SMAD4: variants seen among roughly 807,000 people sequenced by gnomAD.
SMAD4 encodes SMAD family member 4.
Under a neutral mutation model 63.2 loss-of-function variants are expected in SMAD4, and 7 were observed. That is an observed-to-expected ratio of 0.11 (90% CI 0.06 to 0.21). SMAD4 has a LOEUF of 0.21. Among genes scored for constraint, SMAD4 ranks in the 10% least tolerant of loss-of-function variants. SMAD4 has a pLI of 1.00. For synonymous variants in SMAD4, 215 were observed against 235.4 expected (o/e 0.91, Z 0.79); for missense variants, 312 against 693.8 (o/e 0.45, Z 6.18).
intron 11 of SMAD4, chr18:51,077,048 T>A: frequency 4.2e-6 from 1 of 240,694 alleles, no homozygotes. Flanking sequence ...CCTCCTTTTT[T>A]GTTGATGCTT....
intron 4 of SMAD4, chr18:51,053,039 T>TA (rs1369165021): frequency 6.6e-6 from 1 of 152,244 alleles, no homozygotes; most frequent in South Asian, 2.1e-4. Context: ...GTTTCAAACT[T>TA]ACATTTGGGA....
intron 10 of SMAD4, among the ~76,000 whole-genome samples, chr18:51,072,584 T>G (rs1910345901): frequency 6.6e-6 from 1 of 152,178 alleles, no homozygotes; most frequent in African/African-American, 2.4e-5. Flanking sequence ...AATTTAAGAT[T>G]ATATAGTATT....
At chr18:51,072,239 A>G (rs1188229722) in intron 10 of SMAD4, among the ~76,000 whole-genome samples, 3 of 152,168 alleles carry the variant, frequency 2.0e-5, no homozygotes, top group East Asian at 1.9e-4. Flanking sequence ...CAATTTCTCT[A>G]CATTCTCATC....
In SMAD4 at chr18:51,080,319, C is replaced by T. The variant is rs182092812; in HGVS notation, c.*1852C>T. ...ACTTATCTACCACCTCATTTGTACT[C>T]TTGATTACTTACAAATTCTTTCAGT... On this transcript the variant is annotated 3_prime_UTR_variant, in exon 12 of 12. Coordinates refer to ENST00000342988, the MANE Select transcript of SMAD4 (RefSeq NM_005359.6). 1.7e-5 allele frequency: 4 copies of T among 231,904 alleles called. No homozygotes were observed. The East Asian group carries it at 2.4e-4, about 14-fold the overall frequency. 14.4% of individuals were successfully genotyped at this position (231,904 alleles called of 1,614,324 possible). A position where few individuals can be genotyped will look rare whatever the true frequency, so the allele number is the denominator to read the frequency against.
intron 1 of SMAD4, among the ~76,000 whole-genome samples, chr18:51,031,708 C>G (rs1269608266): frequency 6.6e-6 from 1 of 151,488 alleles, no homozygotes; most frequent in East Asian, 1.9e-4. Context: ...TAGGTTCACT[C>G]CTTTTTGCTG....
intron 8 of SMAD4, among the ~76,000 whole-genome samples, chr18:51,063,436 G>T (rs554554420): frequency 1.3e-5 from 2 of 151,402 alleles, no homozygotes; most frequent in Non-Finnish European, 2.9e-5. Flanking sequence ...TTTTTGAGAC[G>T]GGGTCTCACT....
intron 4 of SMAD4, chr18:51,053,033 C>G (rs1909750245): frequency 6.6e-6 from 1 of 152,142 alleles, no homozygotes; most frequent in South Asian, 2.1e-4. Context: ...GTAGAAGTTT[C>G]AAACTTACAT....
At chr18:51,038,465 G>T (rs1909276621) in intron 1 of SMAD4, among the ~76,000 whole-genome samples, 1 of 152,188 alleles carries the variant, frequency 6.6e-6, no homozygotes, top group Non-Finnish European at 1.5e-5. Flanking sequence ...TAACCTTTCA[G>T]AATTGCCACT....
chr18:51,065,644 T>A (rs1263703947), intron 9 of SMAD4, 38 bp downstream of exon 9: 2 of 1,529,476 alleles, frequency 1.3e-6, no homozygotes, highest in Non-Finnish European at 1.8e-6. Flanking sequence ...TTTAAAAAAT[T>A]GAGCATAGTA....
rs1019646494 is a variant in SMAD4, at chr18:51,081,099, A to G, written c.*2632A>G. On this transcript the variant is annotated 3_prime_UTR_variant, in exon 12 of 12. Transcript: ENST00000342988. ...CCTGAGAGCTTGGTTGTTAATCTAT[A>G]TTTCTATTTCTTAGTGGTAGTCATC... 24 of 215,672 alleles carry G rather than the reference A, an allele frequency of 1.1e-4. No individual in the cohort carries two copies. Among genetic ancestry groups the G allele is most frequent in the African/African-American group, 5.2e-4 (23 of 44,430 alleles). 13.4% of individuals were successfully genotyped at this position (215,672 alleles called of 1,614,324 possible). A position where few individuals can be genotyped will look rare whatever the true frequency, so the allele number is the denominator to read the frequency against.
intron 1 of SMAD4, among the ~76,000 whole-genome samples, chr18:51,041,543 C>T (rs960678605): frequency 5.3e-5 from 8 of 152,198 alleles, no homozygotes; most frequent in African/African-American, 1.7e-4. Flanking sequence ...CAGTAGTATC[C>T]AGTTGTGACC....
At chr18:51,062,198 G>C (rs911860843) in intron 8 of SMAD4, among the ~76,000 whole-genome samples, 4 of 146,870 alleles carry the variant, frequency 2.7e-5, no homozygotes, top group African/African-American at 4.9e-5. Context: ...TACATTGTGT[G>C]TTGTGATTTT....
In SMAD4 at chr18:51,082,796, G is replaced by C. The variant is rs902343673; in HGVS notation, c.*4329G>C. 6 of 227,978 alleles carry C rather than the reference G, an allele frequency of 2.6e-5. No individual in the cohort carries two copies. The highest frequency in any genetic ancestry group is 1.3e-4 in the African/African-American group (6 of 44,880). The allele number at this position is 227,978 out of a possible 1,614,324, so 14.1% of individuals were successfully genotyped here. The stretch of plus-strand genomic sequence containing the variant: ...CCTCTCTGATAATTACCATTCATAT[G>C]TGAGTGTTAGTGTGCCTCCTTTTAG... On this transcript the variant is annotated 3_prime_UTR_variant, in exon 12 of 12. Transcript: ENST00000342988.
rs543367642 is a variant in SMAD4, at chr18:51,042,674, G to A, written c.-127-4246G>A. On this transcript the variant is annotated intron_variant, in intron 1 of 11. Coordinates refer to ENST00000342988, the MANE Select transcript of SMAD4 (RefSeq NM_005359.6). ...GCCTCTTAAAGTGCTGGGATTACAG[G>A]CATGAGCCACTGTACCCGGACTTGG... 1.5e-4 allele frequency among the ~76,000 whole-genome samples: 23 copies of A among 152,040 alleles called. No homozygotes were observed. The South Asian group carries it at 4.4e-3, about 29-fold the overall frequency.
chr18:51,074,410 A>C (rs1009863142), intron 10 of SMAD4, among the ~76,000 whole-genome samples: 2 of 152,168 alleles, frequency 1.3e-5, no homozygotes, highest in Non-Finnish European at 2.9e-5. Context: ...AGATACACAT[A>C]TGGCAAACAA....
chr18:51,065,966 T>C (rs149392172), intron 9 of SMAD4, among the ~76,000 whole-genome samples: 9 of 152,312 alleles, frequency 5.9e-5, no homozygotes, highest in Admixed American at 2.0e-4. Context: ...GTTTTACTTA[T>C]AATGTTAAAA....
At chr18:51,066,880 A>G (rs1052563769) in intron 9 of SMAD4, 139 bp from the exon 10 acceptor site, 1 of 678,774 alleles carries the variant, frequency 1.5e-6, no homozygotes, top group African/African-American at 1.8e-5. Context: ...GAAATATACA[A>G]AAATGTTAAT....
At chr18:51,070,170 T>C (rs1372339314) in intron 10 of SMAD4, among the ~76,000 whole-genome samples, 2 of 152,266 alleles carry the variant, frequency 1.3e-5, no homozygotes, top group African/African-American at 4.8e-5. Flanking sequence ...ATATACTGTG[T>C]GCCAGATAGT....
At chr18:51,047,650 C>A (rs1350050559) in intron 2 of SMAD4, among the ~76,000 whole-genome samples, 1 of 151,708 alleles carries the variant, frequency 6.6e-6, no homozygotes, top group Non-Finnish European at 1.5e-5. Flanking sequence ...GCTCTGTCAC[C>A]CAGGCTGGAG....
Sources: gnomAD v4.1 joint callset for allele counts (sites outside exome capture counted in the v4.1 genomes callset) on GRCh38, gnomAD v4.1.1 for gene constraint, MANE v1.5 for transcripts, NCBI Gene and HGNC (gene_info 2026-07-23, HGNC 2026-07-21) for gene names.